The following EML6 variants were observed in gnomAD, a reference collection of about 807,000 sequenced individuals.
EML6 encodes EMAP like 6, also known as echinoderm microtubule-associated protein-like 6.
EML6 carries 154 observed loss-of-function variants against 240.1 expected under a neutral mutation model. That is an observed-to-expected ratio of 0.64 (90% CI 0.56 to 0.73). The LOEUF (loss-of-function observed/expected upper bound fraction) is 0.73, where lower values mean the gene tolerates loss of function less well. Among genes scored for constraint, EML6 ranks in the 30% least tolerant of loss-of-function variants. The pLI is 0.00. For missense variants in EML6, 2,964 were observed against 2,474.6 expected, an observed-to-expected ratio of 1.20 and a Z score of -4.20; for synonymous variants, 1,148 against 899.0, an observed-to-expected ratio of 1.28 and a Z score of -4.95.
intron 2 of EML6, among the ~76,000 whole-genome samples, chr2:54,769,114 G>A (rs1011792922): frequency 3.3e-5 from 5 of 152,136 alleles, no homozygotes; most frequent in Non-Finnish European, 5.9e-5. Flanking sequence ...TGAGATACCC[G>A]AATCTGACAG....
At chr2:54,949,287 A>G (rs1483022261) in intron 29 of EML6, among the ~76,000 whole-genome samples, 2 of 152,144 alleles carry the variant, frequency 1.3e-5, no homozygotes, top group African/African-American at 4.8e-5. Context: ...CATGGAGAAG[A>G]AAGGAAAGAG....
At chr2:54,896,632 C>T (rs1308787346) in intron 21 of EML6, among the ~76,000 whole-genome samples, 1 of 152,132 alleles carries the variant, frequency 6.6e-6, no homozygotes, top group Non-Finnish European at 1.5e-5. Flanking sequence ...ATGCACTGAT[C>T]ATATGAGCAG....
chr2:54,956,046 T>C (rs1013096782), intron 32 of EML6, among the ~76,000 whole-genome samples: 11 of 151,864 alleles, frequency 7.2e-5, no homozygotes, highest in African/African-American at 2.7e-4. Context: ...TAGGTAAAAA[T>C]AAAATAGACC....
At chr2:54,781,449 G>A (rs558048993) in intron 2 of EML6, among the ~76,000 whole-genome samples, 2 of 152,292 alleles carry the variant, frequency 1.3e-5, no homozygotes, top group South Asian at 4.1e-4. Context: ...TTACCAGCAT[G>A]CTTAAACTAA....
At chr2:54,965,137 T>A (rs563120620) in intron 38 of EML6, among the ~76,000 whole-genome samples, 15 of 152,126 alleles carry the variant, frequency 9.9e-5, no homozygotes, top group Admixed American at 2.0e-4. Flanking sequence ...GGCCCTGGAC[T>A]CCAGCCAGTG....
At chr2:54,963,732 G>C (rs1234608049) in intron 36 of EML6, among the ~76,000 whole-genome samples, 1 of 152,266 alleles carries the variant, frequency 6.6e-6, no homozygotes, top group Non-Finnish European at 1.5e-5. Context: ...AGAGTCTAAA[G>C]TGGGTGCTAC....
chr2:54,889,094 T>C (rs573577927), intron 17 of EML6, among the ~76,000 whole-genome samples: 70 of 152,364 alleles, frequency 4.6e-4, no homozygotes, highest in African/African-American at 1.6e-3. Flanking sequence ...GTCTTTGTTA[T>C]ACACTACATT....
In EML6 at chr2:54,953,992, C is replaced by G; in HGVS notation, c.4322C>G (p.Pro1441Arg). The change falls in exon 32 of 42, where the codon CCT (proline) becomes CGT (arginine). Residue 1441 changes from proline (P) to arginine (R), a missense_variant. Transcript: ENST00000356458. ...GCCTCTCCACACTCAGGGACAACACCTTCCATCCACATATGGGACGCCATG... is the reference window on the plus strand; with the variant it reads ...GCCTCTCCACACTCAGGGACAACACGTTCCATCCACATATGGGACGCCATG... ...VVATSQIGTT[P>R]SIHIWDAMTK... 3 of 1,551,092 alleles carry G rather than the reference C, an allele frequency of 1.9e-6. No homozygotes were observed. The highest frequency in any genetic ancestry group is 2.6e-6 in the Non-Finnish European group (3 of 1,146,454).
intron 7 of EML6, 29 bp downstream of exon 7, chr2:54,829,506 C>G: frequency 6.6e-7 from 1 of 1,515,034 alleles, no homozygotes; most frequent in Non-Finnish European, 8.9e-7. Flanking sequence ...TTACCTGTAA[C>G]TCTGGATGTG....
intron 11 of EML6, 130 bp from the exon 12 acceptor site, chr2:54,859,404 T>C (rs1462888520): frequency 1.6e-5 from 11 of 707,492 alleles, no homozygotes; most frequent in Non-Finnish European, 2.6e-5. Flanking sequence ...TGTTACAATA[T>C]GTAAGACGGA....
rs191986696 is a variant in EML6, at chr2:54,920,064, A to T, written c.3675+3129A>T. On this transcript the variant is annotated intron_variant, in intron 26 of 41. Transcript: ENST00000356458. ...TCTGTAATTTAAAGTAAACTGTAGAATTAAGAAAGAAAAATAAAGATCTCA... is the reference window on the plus strand; with the variant it reads ...TCTGTAATTTAAAGTAAACTGTAGATTTAAGAAAGAAAAATAAAGATCTCA... Among the ~76,000 whole-genome samples, 515 of 152,338 alleles carry T rather than the reference A, an allele frequency of 3.4e-3. 2 individuals carry two copies. Among genetic ancestry groups the T allele is most frequent in the Middle Eastern group, 6.8e-3 (2 of 294 alleles).
chr2:54,810,159 A>G (rs1387260169), intron 2 of EML6, among the ~76,000 whole-genome samples: 3 of 152,214 alleles, frequency 2.0e-5, no homozygotes, highest in Non-Finnish European at 4.4e-5. Context: ...GACTGGAGAA[A>G]GGGCTGTAAA....
At chr2:54,900,674 C>A (rs777661247) in intron 22 of EML6, among the ~76,000 whole-genome samples, 1 of 152,192 alleles carries the variant, frequency 6.6e-6, no homozygotes, top group Non-Finnish European at 1.5e-5. Context: ...TATTCTTCCT[C>A]CATCTCTCTA....
chr2:54,947,086 C>A (rs1036696308), intron 28 of EML6, among the ~76,000 whole-genome samples: 3 of 152,048 alleles, frequency 2.0e-5, no homozygotes, highest in Admixed American at 2.0e-4. Context: ...CTGTGTTTAT[C>A]CTCAAATAAT....
intron 26 of EML6, among the ~76,000 whole-genome samples, chr2:54,918,319 C>A (rs1674039370): frequency 1.3e-5 from 2 of 152,236 alleles, no homozygotes; most frequent in African/African-American, 4.8e-5. Flanking sequence ...CCCCTCAATT[C>A]AGTTTTACAT....
intron 31 of EML6, among the ~76,000 whole-genome samples, chr2:54,953,720 C>T (rs1313631601): frequency 1.3e-5 from 2 of 152,096 alleles, no homozygotes; most frequent in Non-Finnish European, 2.9e-5. Flanking sequence ...AATGCTGTCT[C>T]TGCTGAAAAT....
chr2:54,801,280 A>G (rs1670128200), intron 2 of EML6, among the ~76,000 whole-genome samples: 1 of 151,324 alleles, frequency 6.6e-6, no homozygotes, highest in Non-Finnish European at 1.5e-5. Context: ...TCACCACTGC[A>G]TTCCAGCCTG....
intron 11 of EML6, among the ~76,000 whole-genome samples, 153 bp from the exon 12 acceptor site, chr2:54,859,381 G>T (rs79466642): frequency 1.3e-5 from 2 of 152,132 alleles, no homozygotes; most frequent in Admixed American, 6.5e-5. Flanking sequence ...ATATTTTGAA[G>T]CATTTGGTTA....
intron 3 of EML6, among the ~76,000 whole-genome samples, chr2:54,814,189 A>C (rs1667982601): frequency 6.6e-6 from 1 of 152,186 alleles, no homozygotes; most frequent in Non-Finnish European, 1.5e-5. Context: ...TCATAGTCGA[A>C]TTGGACAAAT....
Sources: allele counts gnomAD v4.1 joint callset (sites outside exome capture counted in the v4.1 genomes callset), GRCh38; gene constraint gnomAD v4.1.1; transcripts MANE v1.5; gene names NCBI Gene and HGNC (gene_info 2026-07-23, HGNC 2026-07-21).